NIPBL: variants seen among roughly 807,000 people sequenced by gnomAD.
NIPBL encodes NIPBL cohesin loading factor, also known as nipped-B-like protein.
Under a neutral mutation model 321.8 loss-of-function variants are expected in NIPBL, and 19 were observed. The ratio of observed to expected loss-of-function variants is 0.06; its 90% CI spans 0.04 to 0.09. NIPBL has a LOEUF of 0.09. Among genes scored for constraint, NIPBL ranks in the 10% least tolerant of loss-of-function variants. NIPBL has a pLI of 1.00. For synonymous variants in NIPBL, 1,106 were observed against 1,114.1 expected, an observed-to-expected ratio of 0.99 and a Z score of 0.14; for missense variants, 2,210 against 3,327.0, an observed-to-expected ratio of 0.66 and a Z score of 8.26.
intron 8 of NIPBL, 62 bp from the exon 9 acceptor site, chr5:36,975,710 TTCTA>T: frequency 6.2e-6 from 9 of 1,445,730 alleles, no homozygotes; most frequent in Non-Finnish European, 8.7e-6. Flanking sequence ...TTATTAATAT[TTCTA>T]TCACATTGTA....
At chr5:36,965,134 C>A (rs1385600638) in intron 6 of NIPBL, among the ~76,000 whole-genome samples, 1 of 152,002 alleles carries the variant, frequency 6.6e-6, no homozygotes, top group Non-Finnish European at 1.5e-5. Context: ...TCTCAGAATA[C>A]TAAAAATAGA....
intron 43 of NIPBL, 70 bp downstream of exon 43, chr5:37,057,402 T>TAAA (rs1193422446): frequency 2.1e-6 from 3 of 1,416,200 alleles, no homozygotes; most frequent in Non-Finnish European, 3.0e-6. Flanking sequence ...ACTGTTTTGT[T>TAAA]TCTCATTATT....
intron 10 of NIPBL, chr5:36,995,415 T>C (rs1246106121): frequency 2.4e-6 from 1 of 422,846 alleles, no homozygotes; most frequent in Non-Finnish European, 4.2e-6. Context: ...TTTAAAGTCA[T>C]TACATAATTA....
intron 34 of NIPBL, among the ~76,000 whole-genome samples, chr5:37,039,759 A>AG (rs1410969303): frequency 6.6e-6 from 1 of 152,116 alleles, no homozygotes; most frequent in Non-Finnish European, 1.5e-5. Context: ...TACAAGCTCT[A>AG]GGTGAAAACC....
chr5:36,973,409 A>G (rs1743093171), intron 8 of NIPBL, among the ~76,000 whole-genome samples: 2 of 152,058 alleles, frequency 1.3e-5, no homozygotes, highest in African/African-American at 4.8e-5. Context: ...CAGGTTTGTT[A>G]CATAGGTATA....
chr5:36,945,293 C>G (rs1414094523), intron 1 of NIPBL, among the ~76,000 whole-genome samples: 1 of 152,128 alleles, frequency 6.6e-6, no homozygotes, highest in East Asian at 1.9e-4. Context: ...TCTGCAAATC[C>G]ATTTAACTGT....
chr5:37,052,019 A>G (rs970744682), intron 41 of NIPBL, 133 bp downstream of exon 41: 3 of 744,420 alleles, frequency 4.0e-6, no homozygotes, highest in Non-Finnish European at 7.0e-6. Context: ...TAAACATGCA[A>G]CTAAGTTAGT....
intron 4 of NIPBL, among the ~76,000 whole-genome samples, 156 bp from the exon 5 acceptor site, chr5:36,961,328 T>C (rs1184728894): frequency 1.3e-5 from 2 of 152,154 alleles, no homozygotes; most frequent in African/African-American, 2.4e-5. Context: ...GTTCTTGAAA[T>C]TTACAGTTTT....
chr5:36,957,212 T>G (rs1175178327), intron 3 of NIPBL, among the ~76,000 whole-genome samples: 2 of 152,180 alleles, frequency 1.3e-5, no homozygotes, highest in East Asian at 3.9e-4. Context: ...CTACTTATAT[T>G]GAAGTTTATT....
Position 37,007,466 on chromosome 5 carries a change from A to G in NIPBL, c.4231A>G (p.Ile1411Val). 8 of 1,610,046 alleles carry G rather than the reference A, an allele frequency of 5.0e-6. No individual in the cohort carries two copies. Among genetic ancestry groups the G allele is most frequent in the Non-Finnish European group, 5.9e-6 (7 of 1,177,142 alleles). The change falls in exon 18 of 47, where the codon ATT (isoleucine) becomes GTT (valine). Residue 1411 changes from isoleucine to valine, a missense_variant. Ile to Val is a conservative substitution (Grantham distance 29). Coordinates refer to ENST00000282516, the MANE Select transcript of NIPBL (RefSeq NM_133433.4). ...GATACAACTTCTTACAGACACAACA[A>G]TTCTTCAGGTAAGATTTTTTGGTAA... Reference protein sequence around the residue: ...LEIQLLTDTTILQVSSMGITP... With the variant: ...LEIQLLTDTTVLQVSSMGITP...
intron 1 of NIPBL, chr5:36,885,921 C>T: frequency 1.4e-6 from 1 of 737,638 alleles, no homozygotes; most frequent in South Asian, 1.4e-5. Flanking sequence ...GTAGATGCTC[C>T]CAAATCTCAG....
chr5:36,981,727 T>G (rs181231015), intron 9 of NIPBL, among the ~76,000 whole-genome samples: 1 of 151,876 alleles, frequency 6.6e-6, no homozygotes, highest in Admixed American at 6.6e-5. Flanking sequence ...TTTCATCTTT[T>G]CCCAAGGTCC....
chr5:37,026,549 T>C (rs1750289801), intron 31 of NIPBL, among the ~76,000 whole-genome samples: 1 of 152,204 alleles, frequency 6.6e-6, no homozygotes, highest in Admixed American at 6.5e-5. Context: ...ATGTAAACAC[T>C]GATACTGAGA....
chr5:37,047,500 A>G (rs1002965080), intron 38 of NIPBL, among the ~76,000 whole-genome samples: 3 of 152,230 alleles, frequency 2.0e-5, no homozygotes, highest in African/African-American at 7.2e-5. Flanking sequence ...AAATTCAGAC[A>G]TCATTTACTA....
chr5:37,045,001 TAGACTCTGA>T lies in NIPBL; in HGVS notation c.6343+276_6343+284del, dbSNP rs150726162. Among the ~76,000 whole-genome samples the T allele has an allele frequency of 0.013, 2,016 of 152,364 alleles. 51 individuals carry two copies. The highest frequency in any genetic ancestry group is 0.046 in the African/African-American group (1,918 of 41,574). On this transcript the variant is annotated intron_variant, in intron 36 of 46. Coordinates refer to ENST00000282516, the MANE Select transcript of NIPBL (RefSeq NM_133433.4). ...AAATTTAAATTTTCTTACATTAGTT[TAGACTCTGA>T]AGAGCACTCTCATAATTCTAGACAT...
chr5:36,914,183 G>A (rs1748272093), intron 1 of NIPBL, among the ~76,000 whole-genome samples: 1 of 152,212 alleles, frequency 6.6e-6, no homozygotes, highest in Admixed American at 6.5e-5. Flanking sequence ...TCACAACCTA[G>A]TAACCAGAAC....
chr5:37,047,909 TTATA>T (rs1235495394), intron 38 of NIPBL, among the ~76,000 whole-genome samples: 1 of 152,234 alleles, frequency 6.6e-6, no homozygotes, highest in Non-Finnish European at 1.5e-5. Context: ...TGTGGCCTTA[TTATA>T]ATGCCATATG....
At chr5:37,036,347 G>GTGTATATATATATATATA (rs767653666) in intron 32 of NIPBL, 32 bp from the exon 33 acceptor site, 3 of 355,140 alleles carry the variant, frequency 8.4e-6, no homozygotes, top group African/African-American at 7.4e-5. Context: ...ATATATATAT[G>GTGTATATATATATATATA]TATATATATA....
chr5:37,000,767 AT>A, intron 12 of NIPBL, 49 bp from the exon 13 acceptor site: 1 of 1,490,632 alleles, frequency 6.7e-7, no homozygotes, highest in Non-Finnish European at 9.3e-7. Context: ...AAATGGAATT[AT>A]TTTAAGTTGT....
Sources: gnomAD v4.1 joint callset for allele counts (sites outside exome capture counted in the v4.1 genomes callset) on GRCh38, gnomAD v4.1.1 for gene constraint, MANE v1.5 for transcripts, NCBI Gene and HGNC (gene_info 2026-07-23, HGNC 2026-07-21) for gene names.